CACNA1C: variants seen among roughly 807,000 people sequenced by gnomAD.
The protein encoded by CACNA1C is calcium voltage-gated channel subunit alpha1 C, also known as voltage-dependent L-type calcium channel subunit alpha-1C.
In CACNA1C, 30 loss-of-function variants were observed where a neutral mutation model predicts 229.0. The observed-to-expected ratio is 0.13, with a 90% CI of 0.10 to 0.18. The LOEUF is 0.18. Ranked by LOEUF, CACNA1C falls within the 10% of genes least tolerant of loss-of-function variation. The pLI, the probability that CACNA1C is intolerant of heterozygous loss-of-function variation, is 1.00. For synonymous variants in CACNA1C, 1,114 were observed against 1,132.5 expected (o/e 0.98, Z 0.33); for missense variants, 1,658 against 2,845.0 (o/e 0.58, Z 9.49).
At chr12:2,420,148 T>TGTGTGTGTGTGTGG (rs58661833) in intron 3 of CACNA1C, among the ~76,000 whole-genome samples, 1 of 125,746 alleles carries the variant, frequency 8.0e-6, no homozygotes, top group Non-Finnish European at 1.8e-5. Flanking sequence ...TGTGTGTGTG[T>TGTGTGTGTGTGTGG]AGGGGGAGGG....
chr12:2,085,290 C>T (rs987635513), intron 1 of CACNA1C, among the ~76,000 whole-genome samples: 14 of 152,170 alleles, frequency 9.2e-5, no homozygotes, highest in African/African-American at 2.2e-4. Flanking sequence ...CAATGTCAAC[C>T]TTTTCCATTA....
intron 27 of CACNA1C, 59 bp from the exon 28 acceptor site, chr12:2,610,482 T>TC (rs1365528183): frequency 6.5e-7 from 1 of 1,537,694 alleles, no homozygotes; most frequent in Non-Finnish European, 8.9e-7. Flanking sequence ...CTCTGCCAGC[T>TC]CCCCCCACAC....
chr12:2,313,999 T>G (rs1236874309), intron 3 of CACNA1C, among the ~76,000 whole-genome samples: 2 of 152,216 alleles, frequency 1.3e-5, no homozygotes, highest in African/African-American at 4.8e-5. Flanking sequence ...GCGGTGCCTA[T>G]GTGGGCACAG....
At chr12:2,503,867 G>C (rs947034546) in intron 7 of CACNA1C, among the ~76,000 whole-genome samples, 1 of 152,238 alleles carries the variant, frequency 6.6e-6, no homozygotes, top group Non-Finnish European at 1.5e-5. Context: ...GCCTCTCCCA[G>C]CCGGTGGCCC....
intron 1 of CACNA1C, among the ~76,000 whole-genome samples, chr12:2,057,583 G>A (rs1330207693): frequency 1.3e-5 from 2 of 152,150 alleles, no homozygotes; most frequent in Non-Finnish European, 2.9e-5. Flanking sequence ...AGGCCCTCGC[G>A]GCATCACTGA....
chr12:2,016,275 G>A (rs1303102421), intron 1 of CACNA1C, among the ~76,000 whole-genome samples: 1 of 147,468 alleles, frequency 6.8e-6, no homozygotes. Context: ...TCAAACAACA[G>A]TACTCAGTAC....
At chr12:2,205,721 C>G (rs113771770) in intron 3 of CACNA1C, among the ~76,000 whole-genome samples, 1 of 152,062 alleles carries the variant, frequency 6.6e-6, no homozygotes, top group Non-Finnish European at 1.5e-5. Context: ...TGCTCAGGCT[C>G]CTATAACAAA....
intron 11 of CACNA1C, among the ~76,000 whole-genome samples, chr12:2,560,679 C>A (rs542289461): frequency 1.3e-5 from 2 of 152,158 alleles, no homozygotes; most frequent in South Asian, 4.2e-4. Flanking sequence ...ACTAGCTTGC[C>A]CAGTCTTCAG....
rs12304811 is a variant in CACNA1C at position 2,550,456 on chromosome 12, G to A, written c.1481+423G>A. ...CCACCCTTTCCATTCTGATAAATGT[G>A]ACCTGGGAGAGAAGCAGCCAGGTGA... is the stretch of plus-strand genomic sequence containing the variant. On this transcript the variant is annotated intron_variant, in intron 10 of 46. Transcript: ENST00000399655. 0.24 allele frequency: 265,719 copies of A among 1,103,894 alleles called. 33,729 individuals carry two copies. Among genetic ancestry groups the A allele is most frequent in the African/African-American group, 0.43 (26,935 of 62,524 alleles). 68.4% of individuals were successfully genotyped at this position (1,103,894 alleles called of 1,614,324 possible). A position where few individuals can be genotyped will look rare whatever the true frequency, so the allele number is the denominator to read the frequency against.
intron 13 of CACNA1C, among the ~76,000 whole-genome samples, chr12:2,574,084 C>CA (rs1195042570): frequency 4.0e-4 from 61 of 150,954 alleles, no homozygotes; most frequent in Middle Eastern, 3.4e-3. Flanking sequence ...TGTTTCAAGA[C>CA]AAAAAAAAGG....
At position 2,681,961 on chromosome 12, in the gene CACNA1C, T is replaced by C. The variant is rs767668359; in HGVS notation, c.5445-589T>C. The C allele has an allele frequency of 1.9e-6, 3 of 1,600,746 alleles. No individual in the cohort carries two copies. In the East Asian group the frequency reaches 6.7e-5, roughly 36 times the overall value. ...CCCTGTCCCAGCAGGGAAAGGCACG[T>C]TCCGATGTGTGAGGATCTGGAGCTC... On this transcript the variant is annotated intron_variant, in intron 42 of 46. Coordinates refer to ENST00000399655, the MANE Select transcript of CACNA1C (RefSeq NM_000719.7).
intron 1 of CACNA1C, chr12:1,997,927 ACT>A (rs766774060): frequency 6.3e-7 from 1 of 1,597,516 alleles, no homozygotes; most frequent in Non-Finnish European, 8.5e-7. Flanking sequence ...AAAGTGAAAC[ACT>A]CTTACCTTGT....
At chr12:2,485,928 T>G (rs1482349468) in intron 5 of CACNA1C, among the ~76,000 whole-genome samples, 176 bp from the exon 6 acceptor site, 2 of 152,232 alleles carry the variant, frequency 1.3e-5, no homozygotes, top group African/African-American at 4.8e-5. Context: ...GAGGCCAACC[T>G]GGATTTAGAC....
Position 2,181,709 on chromosome 12 carries a change from A to G in CACNA1C, c.477+61279A>G, listed in dbSNP as rs1200706114. On this transcript the variant is annotated intron_variant, in intron 3 of 46. Transcript: ENST00000399655. This position sits in a 1 kb window ranked among gnomAD's most constrained non-coding sequence, Gnocchi z 4.0. ...GTAGGCCAGGGGACCCACATCCACG[A>G]TATCGTTTTTTTACAGCTCATTACT... Among the ~76,000 whole-genome samples the G allele has an allele frequency of 6.6e-6, 1 of 152,118 alleles. No individual in the cohort carries two copies. Among genetic ancestry groups the G allele is most frequent in the Non-Finnish European group, 1.5e-5 (1 of 68,020 alleles).
At chr12:2,307,669 T>C (rs745652829) in intron 3 of CACNA1C, among the ~76,000 whole-genome samples, 13 of 151,754 alleles carry the variant, frequency 8.6e-5, no homozygotes, top group Non-Finnish European at 1.0e-4. Flanking sequence ...GATGGAGTGT[T>C]CTTTCTGCGC....
chr12:2,363,962 C>A (rs971587057), intron 3 of CACNA1C, among the ~76,000 whole-genome samples: 9 of 152,202 alleles, frequency 5.9e-5, no homozygotes, highest in Non-Finnish European at 8.8e-5. Flanking sequence ...GAGGCCAGTG[C>A]CATCATCCCC....
chr12:1,972,601 G>C (rs187683870), intron 1 of CACNA1C, among the ~76,000 whole-genome samples: 2 of 152,306 alleles, frequency 1.3e-5, no homozygotes, highest in East Asian at 3.9e-4. Flanking sequence ...GGTTAAATAA[G>C]CTAGCCAAAG....
In CACNA1C at chr12:2,665,631, A is replaced by G; in HGVS notation, c.4449A>G (p.Thr1483=). The G allele has an allele frequency of 6.2e-7, 1 of 1,613,800 alleles. No homozygotes were observed. The highest frequency in any genetic ancestry group is 1.1e-5 in the South Asian group (1 of 91,072). Residue 1483 remains threonine, a synonymous_variant, in exon 36 of 47, where the codon ACA becomes ACG. Coordinates refer to ENST00000399655, the MANE Select transcript of CACNA1C (RefSeq NM_000719.7). The surrounding 1 kb of genome is among the most constrained non-coding windows in gnomAD (Gnocchi z 5.9). The part of the protein sequence containing the change: ...AVIMDNFDYL[T]RDWSILGPHH... ...TCATGGACAACTTTGACTACCTGAC[A>G]AGGGACTGGTCCATCCTTGGTCCCC...
chr12:2,578,822 G>A (rs2059499250), intron 13 of CACNA1C, among the ~76,000 whole-genome samples: 1 of 152,154 alleles, frequency 6.6e-6, no homozygotes, highest in Non-Finnish European at 1.5e-5. Context: ...GCGGCAGGGA[G>A]AGTGGGCAGA....
Sources: allele counts gnomAD v4.1 joint callset (sites outside exome capture counted in the v4.1 genomes callset), GRCh38; gene constraint gnomAD v4.1.1; non-coding constraint Gnocchi (gnomAD v3.1); transcripts MANE v1.5; gene names NCBI Gene and HGNC (gene_info 2026-07-23, HGNC 2026-07-21).